GRB10: variants seen among roughly 807,000 people sequenced by gnomAD.
The protein encoded by GRB10 is growth factor receptor bound protein 10.
A neutral mutation model predicts 80.9 loss-of-function variants in GRB10; 20 were observed. The ratio of observed to expected loss-of-function variants is 0.25; its 90% confidence interval spans 0.17 to 0.36. GRB10 has a LOEUF of 0.36. Ranked by LOEUF, GRB10 falls within the 10% of genes least tolerant of loss-of-function variation. The pLI is 1.00. For missense variants in GRB10, 548 were observed against 747.7 expected (o/e 0.73, Z 3.12); for synonymous variants, 291 against 291.5 (o/e 1.00, Z 0.02).
intron 13 of GRB10, chr7:50,606,761 GTTA>G (rs2048611534): frequency 6.1e-6 from 2 of 327,212 alleles, no homozygotes; most frequent in Admixed American, 8.9e-5. Flanking sequence ...AGAAAAAAAT[GTTA>G]TTAAGAAAAT....
At chr7:50,599,274 C>A (rs1317613129) in intron 17 of GRB10, among the ~76,000 whole-genome samples, 1 of 152,110 alleles carries the variant, frequency 6.6e-6, no homozygotes, top group Non-Finnish European at 1.5e-5. Context: ...ACTGCATACA[C>A]CGTTTGAGAA....
chr7:50,690,024 C>A (rs1379673155), intron 5 of GRB10, among the ~76,000 whole-genome samples: 8 of 151,158 alleles, frequency 5.3e-5, no homozygotes, highest in Non-Finnish European at 1.5e-5. Flanking sequence ...AGGCTGGGCG[C>A]GGTGGCTCAC....
intron 17 of GRB10, 70 bp downstream of exon 17, chr7:50,603,928 T>TA (rs1338176577): frequency 1.6e-6 from 2 of 1,240,602 alleles, no homozygotes; most frequent in African/African-American, 2.9e-5. Flanking sequence ...TCTGAGGAAT[T>TA]AAACAGAACA....
rs918540368 is a variant in GRB10 at position 50,608,025 on chromosome 7, G to A, written c.1195-1611C>T. ...AACATGATGCAAAGGTCTAATACAG[G>A]AACGACTGCACTCCAGCAAGAGAAG... On this transcript the variant is annotated intron_variant, in intron 13 of 18. Transcript: ENST00000401949. 7.9e-5 allele frequency among the ~76,000 whole-genome samples: 12 copies of A among 152,070 alleles called. No homozygotes were observed. In the South Asian group the frequency reaches 2.1e-3, roughly 26 times the overall value.
chr7:50,660,625 C>T (rs77946916), intron 7 of GRB10, among the ~76,000 whole-genome samples: 3 of 152,194 alleles, frequency 2.0e-5, no homozygotes, highest in Non-Finnish European at 2.9e-5. Context: ...TCGGTGCAGA[C>T]GGGAAATGGT....
At chr7:50,776,835 C>T (rs992519851) in intron 2 of GRB10, among the ~76,000 whole-genome samples, 4 of 152,210 alleles carry the variant, frequency 2.6e-5, no homozygotes, top group Non-Finnish European at 5.9e-5. Flanking sequence ...TGATCACAGC[C>T]ACTTAGAAGT....
In GRB10 at chr7:50,612,953, T is replaced by C. The variant is rs2049852842; in HGVS notation, c.1096-114A>G. 1.8e-5 allele frequency: 13 copies of C among 731,644 alleles called. No individual in the cohort carries two copies. The Admixed American group carries it at 2.4e-4, about 13-fold the overall frequency. 45.3% of individuals were successfully genotyped at this position (731,644 alleles called of 1,614,324 possible). A position where few individuals can be genotyped will look rare whatever the true frequency, so the allele number is the denominator to read the frequency against. On this transcript the variant is annotated intron_variant, in intron 12 of 18. Transcript: ENST00000401949. Reference sequence around the variant, plus strand: ...AGAGACAACCAGCTGGAGATCCCCCTAGCAAGGAGCACAGCAGATACACAC... The same window carrying C: ...AGAGACAACCAGCTGGAGATCCCCCCAGCAAGGAGCACAGCAGATACACAC...
At chr7:50,690,284 G>A (rs1377815243) in intron 5 of GRB10, among the ~76,000 whole-genome samples, 7 of 149,264 alleles carry the variant, frequency 4.7e-5, no homozygotes, top group South Asian at 2.1e-4. Flanking sequence ...CAACAAGAGC[G>A]AAACTCTGTC....
intron 5 of GRB10, among the ~76,000 whole-genome samples, chr7:50,696,968 T>C (rs960264465): frequency 2.0e-5 from 3 of 152,216 alleles, no homozygotes; most frequent in Admixed American, 2.0e-4. Context: ...CACAATGGAA[T>C]ATTATTTGGC....
At chr7:50,786,133 A>T (rs2078685509), upstream of GRB10, among the ~76,000 whole-genome samples, 1 of 152,150 alleles carries the variant, frequency 6.6e-6, no homozygotes. Flanking sequence ...ATTCAAAATG[A>T]AAATAGAAAC....
At chr7:50,768,582 CAG>C (rs1404763395) in intron 2 of GRB10, among the ~76,000 whole-genome samples, 4 of 152,236 alleles carry the variant, frequency 2.6e-5, no homozygotes, top group African/African-American at 7.2e-5. Flanking sequence ...TTGTCACTTA[CAG>C]AGCCACCTCC....
At chr7:50,777,429 TAC>T (rs71018485) in intron 2 of GRB10, among the ~76,000 whole-genome samples, 16,176 of 146,204 alleles carry the variant, frequency 0.11, 1,405 homozygotes, top group Admixed American at 0.26. Flanking sequence ...GCAATCTGTA[TAC>T]ACACACACAC....
At chr7:50,644,989 C>A (rs1452364211) in intron 7 of GRB10, among the ~76,000 whole-genome samples, 3 of 152,162 alleles carry the variant, frequency 2.0e-5, no homozygotes, top group African/African-American at 7.2e-5. Flanking sequence ...GGGCTATAAT[C>A]CCCAGTACCA....
intron 3 of GRB10, 60 bp downstream of exon 3, chr7:50,755,827 G>A: frequency 2.5e-6 from 1 of 398,592 alleles, no homozygotes; most frequent in Non-Finnish European, 4.4e-6. Flanking sequence ...AATCAATACT[G>A]AACAGGCGAC....
chr7:50,774,704 T>C (rs2077391722), intron 2 of GRB10, among the ~76,000 whole-genome samples: 1 of 152,174 alleles, frequency 6.6e-6, no homozygotes, highest in Non-Finnish European at 1.5e-5. Context: ...TCCCCCAAAT[T>C]TATGTCTTTC....
chr7:50,725,355 C>T (rs1366078583), intron 4 of GRB10, among the ~76,000 whole-genome samples: 2 of 152,176 alleles, frequency 1.3e-5, no homozygotes, highest in African/African-American at 4.8e-5. Context: ...CTGAGGCCTT[C>T]CAGCCATGCT....
chr7:50,674,950 C>G (rs968003245), intron 5 of GRB10, among the ~76,000 whole-genome samples: 3 of 152,176 alleles, frequency 2.0e-5, no homozygotes, highest in African/African-American at 4.8e-5. Context: ...TTCAGCACCC[C>G]CTTCTCTCCT....
At chr7:50,670,312 A>G (rs1350874648) in intron 6 of GRB10, among the ~76,000 whole-genome samples, 2 of 152,130 alleles carry the variant, frequency 1.3e-5, no homozygotes, top group African/African-American at 2.4e-5. Flanking sequence ...TTGGGGACAG[A>G]GTTTCAGTTT....
intron 2 of GRB10, among the ~76,000 whole-genome samples, chr7:50,771,387 T>C (rs750896305): frequency 5.3e-5 from 8 of 152,332 alleles, no homozygotes; most frequent in Non-Finnish European, 1.0e-4. Flanking sequence ...TGCTTGTTGA[T>C]TCTGGCAAGA....
Sources: allele counts gnomAD v4.1 joint callset (sites outside exome capture counted in the v4.1 genomes callset), GRCh38; gene constraint gnomAD v4.1.1; transcripts MANE v1.5; gene names NCBI Gene and HGNC (gene_info 2026-07-23, HGNC 2026-07-21).